The following LEMD3 variants were observed in gnomAD, a reference collection of about 807,000 sequenced individuals.
LEMD3 encodes inner nuclear membrane protein Man1.
A neutral mutation model predicts 95.2 loss-of-function variants in LEMD3; 33 were observed. The observed-to-expected ratio is 0.35, with a 90% confidence interval of 0.26 to 0.46. The LOEUF (loss-of-function observed/expected upper bound fraction) is 0.46, where lower values mean the gene tolerates loss of function less well. Among genes scored for constraint, LEMD3 ranks in the 20% least tolerant of loss-of-function variants. LEMD3 has a pLI of 1.00. For synonymous variants in LEMD3, 525 were observed against 474.6 expected (o/e 1.11, Z -1.38); for missense variants, 1,210 against 1,192.8 (o/e 1.01, Z -0.21).
At chr12:65,245,836 T>C (rs201392134) in intron 11 of LEMD3, 25 bp from the exon 12 acceptor site, 7 of 801,858 alleles carry the variant, frequency 8.7e-6, no homozygotes, top group South Asian at 2.4e-5. Flanking sequence ...ACTAAGACTA[T>C]TTTCTTTCTT....
chr12:65,172,425 A>G (rs1868579431), intron 1 of LEMD3, among the ~76,000 whole-genome samples: 1 of 152,234 alleles, frequency 6.6e-6, no homozygotes, highest in East Asian at 1.9e-4. Context: ...GATAAAGAGT[A>G]GGAGTCAAAA....
At chr12:65,231,899 A>C (rs1870641673) in intron 4 of LEMD3, among the ~76,000 whole-genome samples, 1 of 151,996 alleles carries the variant, frequency 6.6e-6, no homozygotes, top group Admixed American at 6.6e-5. Context: ...TGTGTATTTC[A>C]AAAACCGTTG....
chr12:65,233,778 A>G (rs566098784), intron 4 of LEMD3, among the ~76,000 whole-genome samples: 1 of 152,220 alleles, frequency 6.6e-6, no homozygotes, highest in African/African-American at 2.4e-5. Context: ...AAACAGTATT[A>G]TTTTTGTACT....
rs144815611 is a variant in LEMD3 at position 65,210,973 on chromosome 12, C to G, written c.1560+10C>G. 2.6e-6 allele frequency: 4 copies of G among 1,558,858 alleles called. No individual in the cohort carries two copies. Among genetic ancestry groups the G allele is most frequent in the Non-Finnish European group, 2.7e-6 (3 of 1,130,424 alleles). Reference sequence around the variant, plus strand: ...ATTTGGAAAAATACAAGTAAGTAAACGATCATAATACTGATAATTTTGTGT... The same window carrying G: ...ATTTGGAAAAATACAAGTAAGTAAAGGATCATAATACTGATAATTTTGTGT... On this transcript the variant is annotated intron_variant, in intron 2 of 12. Transcript: ENST00000308330.
intron 1 of LEMD3, among the ~76,000 whole-genome samples, chr12:65,197,563 A>G (rs1240540048): frequency 3.3e-5 from 5 of 152,124 alleles, no homozygotes; most frequent in Non-Finnish European, 5.9e-5. Flanking sequence ...TTTACCAAGT[A>G]GTTTTGTTTT....
At chr12:65,230,162 G>A (rs1199549901) in intron 4 of LEMD3, among the ~76,000 whole-genome samples, 1 of 152,144 alleles carries the variant, frequency 6.6e-6, no homozygotes, top group Non-Finnish European at 1.5e-5. Flanking sequence ...AGTGGTCTGT[G>A]TGTCTGCTTT....
intron 1 of LEMD3, among the ~76,000 whole-genome samples, chr12:65,183,446 C>T (rs1868966163): frequency 6.6e-6 from 1 of 152,056 alleles, no homozygotes; most frequent in African/African-American, 2.4e-5. Flanking sequence ...TTAATGAGAC[C>T]TAATGACAGT....
chr12:65,183,043 A>G (rs569251328), intron 1 of LEMD3, among the ~76,000 whole-genome samples: 28 of 152,296 alleles, frequency 1.8e-4, no homozygotes, highest in African/African-American at 5.5e-4. Context: ...AGTCATACGA[A>G]GCACATAATG....
chr12:65,186,184 A>G (rs1869056323), intron 1 of LEMD3, among the ~76,000 whole-genome samples: 2 of 151,948 alleles, frequency 1.3e-5, no homozygotes, highest in Admixed American at 6.6e-5. Flanking sequence ...TAAGTCATAA[A>G]CTTTGGAGCT....
chr12:65,175,142 A>G (rs1868675165), intron 1 of LEMD3, among the ~76,000 whole-genome samples: 1 of 152,232 alleles, frequency 6.6e-6, no homozygotes, highest in South Asian at 2.1e-4. Context: ...GGTATGGGCC[A>G]GATCATAAAG....
chr12:65,243,618 A>G, intron 10 of LEMD3, 149 bp downstream of exon 10: 1 of 668,676 alleles, frequency 1.5e-6, no homozygotes, highest in South Asian at 1.7e-5. Context: ...CTCTTTCATT[A>G]AATTCCAAGC....
In LEMD3 at chr12:65,248,071, C is replaced by T. The variant is rs984786236; in HGVS notation, c.*1746C>T. 2 of 152,418 alleles carry T rather than the reference C, an allele frequency of 1.3e-5. No homozygotes were observed. Among genetic ancestry groups the T allele is most frequent in the African/African-American group, 2.4e-5 (1 of 41,406 alleles). The allele number at this position is 152,418 out of a possible 1,614,324, so 9.4% of individuals were successfully genotyped here. A position where few individuals can be genotyped will look rare whatever the true frequency, so the allele number is the denominator to read the frequency against. On this transcript the variant is annotated 3_prime_UTR_variant, in exon 13 of 13. Transcript: ENST00000308330. ...AAATAGTTGTGGCATTTTAAAAGGTCGCCTTTGATGCAGATGCATCTTTTT... is the reference window on the plus strand; with the variant it reads ...AAATAGTTGTGGCATTTTAAAAGGTTGCCTTTGATGCAGATGCATCTTTTT...
intron 4 of LEMD3, among the ~76,000 whole-genome samples, chr12:65,219,293 T>G (rs1006758633): frequency 2.0e-5 from 3 of 152,216 alleles, no homozygotes; most frequent in African/African-American, 7.2e-5. Flanking sequence ...CTGTTGAATT[T>G]TCTAAACTAC....
At chr12:65,186,419 A>T (rs886494018) in intron 1 of LEMD3, among the ~76,000 whole-genome samples, 3 of 152,086 alleles carry the variant, frequency 2.0e-5, no homozygotes, top group African/African-American at 7.2e-5. Flanking sequence ...TATTAATGCC[A>T]TCTTATCCAA....
intron 1 of LEMD3, among the ~76,000 whole-genome samples, chr12:65,196,187 G>A (rs1242855445): frequency 6.6e-6 from 1 of 151,474 alleles, no homozygotes; most frequent in East Asian, 1.9e-4. Context: ...ATAGGCAGAG[G>A]ATGGGGTGGG....
intron 4 of LEMD3, among the ~76,000 whole-genome samples, chr12:65,219,409 C>T (rs1375679318): frequency 1.3e-5 from 2 of 152,114 alleles, no homozygotes; most frequent in African/African-American, 2.4e-5. Flanking sequence ...GAAAACCATA[C>T]AGGAAAGCTT....
intron 1 of LEMD3, among the ~76,000 whole-genome samples, chr12:65,198,959 T>C (rs1435760866): frequency 1.3e-5 from 2 of 152,134 alleles, no homozygotes; most frequent in African/African-American, 2.4e-5. Context: ...CAGGGGTGTC[T>C]TTAGCTGACA....
intron 1 of LEMD3, among the ~76,000 whole-genome samples, chr12:65,179,954 A>AT (rs1221580075): frequency 6.6e-6 from 1 of 151,798 alleles, no homozygotes; most frequent in African/African-American, 2.4e-5. Context: ...TTTATTTTTT[A>AT]TTTTTTTGGA....
At chr12:65,192,434 C>T (rs905804639) in intron 1 of LEMD3, among the ~76,000 whole-genome samples, 1 of 152,006 alleles carries the variant, frequency 6.6e-6, no homozygotes, top group Non-Finnish European at 1.5e-5. Flanking sequence ...TAGGTTTTGC[C>T]CTATACCCGT....
Sources: gnomAD v4.1 joint callset for allele counts (sites outside exome capture counted in the v4.1 genomes callset) on GRCh38, gnomAD v4.1.1 for gene constraint, MANE v1.5 for transcripts, NCBI Gene and HGNC (gene_info 2026-07-23, HGNC 2026-07-21) for gene names.